OMG: variants seen among roughly 807,000 people sequenced by gnomAD.
OMG encodes the protein oligodendrocyte-myelin glycoprotein.
OMG carries 9 observed loss-of-function variants against 26.2 expected under a neutral mutation model. The observed-to-expected ratio is 0.34, with a 90% CI of 0.21 to 0.60. The LOEUF (loss-of-function observed/expected upper bound fraction) is 0.60. Ranked by LOEUF, OMG falls within the 20% of genes least tolerant of loss-of-function variation. OMG has a pLI of 0.80. For missense variants in OMG, 402 were observed against 513.6 expected, an observed-to-expected ratio of 0.78 and a Z score of 2.10; for synonymous variants, 179 against 190.4, an observed-to-expected ratio of 0.94 and a Z score of 0.49.
chr17:31,295,642 G>T lies in OMG; in HGVS notation c.690C>A (p.Asp230Glu). ...ITLYNNRWSC[D>E]HKQNITYLLK... The stretch of plus-strand genomic sequence containing the variant: ...GTAAGTAAGTAATGTTTTGTTTGTG[G>T]TCACATGACCACCTGTTATTGTAAA... Residue 230 changes from aspartate (D) to glutamate (E), a missense_variant, in exon 2 of 2, where the codon GAC becomes GAA. Around this residue, in one of 3 missense-constraint regions of OMG, gnomAD observed 247 missense variants for 274.7 expected, o/e 0.90. Transcript: ENST00000247271. The T allele has an allele frequency of 6.2e-7, 1 of 1,614,090 alleles. No homozygotes were observed. Among genetic ancestry groups the T allele is most frequent in the Non-Finnish European group, 8.5e-7 (1 of 1,179,998 alleles).
chr17:31,296,749 C>CTT, intron 1 of OMG: 1 of 202,084 alleles, frequency 4.9e-6, no homozygotes, highest in Non-Finnish European at 1.0e-5. Flanking sequence ...GCTGTCGTGT[C>CTT]TTTTTTTTTT....
In OMG at chr17:31,295,026, C is replaced by T; in HGVS notation, c.1306G>A (p.Val436Ile). 1.9e-6 allele frequency: 3 copies of T among 1,614,094 alleles called. No homozygotes were observed. The highest frequency in any genetic ancestry group is 1.7e-6 in the Non-Finnish European group (2 of 1,179,958). Residue 436 changes from valine (V) to isoleucine (I), a missense_variant, in exon 2 of 2, where the codon GTC becomes ATC. By Grantham distance (29) the Val-to-Ile change is conservative. Around this residue, in one of 3 missense-constraint regions of OMG, gnomAD observed 247 missense variants for 274.7 expected, o/e 0.90. Coordinates refer to ENST00000247271, the MANE Select transcript of OMG (RefSeq NM_002544.5). ...ASFLLLLNVV[V>I]MLAV ...GCAGACCCTCAGACAGCCAGCATGA[C>T]CACAACATTGAGCAATAAGAGAAAT...
At position 31,295,268 on chromosome 17, in the gene OMG, ATAGT is replaced by A. The variant is rs761680044; in HGVS notation, c.1060_1063del (p.Thr354PhefsTer24). ...TGTGACCATTCCATCTTGGAGATGA[ATAGT>A]TAGAGTTGCAGCTGCTGCTTCATGT... On this transcript the variant is annotated frameshift_variant, in exon 2 of 2. Coordinates refer to ENST00000247271, the MANE Select transcript of OMG (RefSeq NM_002544.5). LOFTEE classifies it high-confidence loss of function. 1 of 1,614,084 alleles carries A rather than the reference ATAGT, an allele frequency of 6.2e-7. No homozygotes were observed. The highest frequency in any genetic ancestry group is 8.5e-7 in the Non-Finnish European group (1 of 1,179,994).
At position 31,294,807 on chromosome 17, in the gene OMG, A is replaced by G; in HGVS notation, c.*202T>C. The G allele has an allele frequency of 1.6e-6, 1 of 639,986 alleles. No homozygotes were observed. Among genetic ancestry groups the G allele is most frequent in the East Asian group, 2.8e-5 (1 of 35,730 alleles). The allele number at this position is 639,986 out of a possible 1,614,324, so 39.6% of individuals were successfully genotyped here. Reference sequence around the variant, plus strand: ...ACTCATTAGTTTACTTAATTAAGACAGTAAAATAGCAGCAAGTACCAAGAC... The same window carrying G: ...ACTCATTAGTTTACTTAATTAAGACGGTAAAATAGCAGCAAGTACCAAGAC... On this transcript the variant is annotated 3_prime_UTR_variant, in exon 2 of 2. Transcript: ENST00000247271.
Position 31,296,171 on chromosome 17 carries a change from T to C in OMG, c.161A>G (p.Gln54Arg). 6.2e-7 allele frequency: 1 copy of C among 1,612,852 alleles called. No individual in the cohort carries two copies. Among genetic ancestry groups the C allele is most frequent in the Non-Finnish European group, 8.5e-7 (1 of 1,179,146 alleles). ...CAGGTTTAAATGTATAATATTCTCT[T>C]GCAGTCCAGATGGTAATGTAGACAA... ...RNLSTLPSGL[Q>R]ENIIHLNLSY... Residue 54 changes from glutamine (Q) to arginine (R), a missense_variant, in exon 2 of 2, where the codon CAA becomes CGA. Gln to Arg is a conservative substitution (Grantham distance 43). This residue lies in a region of OMG where 65 missense variants were observed against 80.0 expected (regional missense o/e 0.81). Coordinates refer to ENST00000247271, the MANE Select transcript of OMG (RefSeq NM_002544.5).
At position 31,294,764 on chromosome 17, in the gene OMG, A is replaced by T. The variant is rs2068424981; in HGVS notation, c.*245T>A. On this transcript the variant is annotated 3_prime_UTR_variant, in exon 2 of 2. Transcript: ENST00000247271. ...ATAAATTGAAGCCTTAAAACATTTC[A>T]TTTTTTTTATAAAAGAAACTCATTA... The T allele has an allele frequency of 3.7e-6, 2 of 546,474 alleles. No individual in the cohort carries two copies. The highest frequency in any genetic ancestry group is 2.1e-5 in the South Asian group (1 of 47,004). The allele number at this position is 546,474 out of a possible 1,614,324, so 33.9% of individuals were successfully genotyped here. A position where few individuals can be genotyped will look rare whatever the true frequency, so the allele number is the denominator to read the frequency against.
chr17:31,296,637 G>A, intron 1 of OMG: 1 of 344,224 alleles, frequency 2.9e-6, no homozygotes, highest in Non-Finnish European at 5.5e-6. Flanking sequence ...TCTTTCTAGA[G>A]CCTTAATATG....
chr17:31,296,148 G>T lies in OMG; in HGVS notation c.184C>A (p.Leu62Met), dbSNP rs1179339758. The T allele has an allele frequency of 6.2e-7, 1 of 1,611,340 alleles. No individual in the cohort carries two copies. Among genetic ancestry groups the T allele is most frequent in the African/African-American group, 1.3e-5 (1 of 74,784 alleles). The change falls in exon 2 of 2, where the codon CTG (leucine) becomes ATG (methionine). Residue 62 changes from leucine to methionine, a missense_variant. Physicochemically the swap from Leu to Met is conservative, Grantham distance 15. This residue lies in a region of OMG where 65 missense variants were observed against 80.0 expected (regional missense o/e 0.81). Coordinates refer to ENST00000247271, the MANE Select transcript of OMG (RefSeq NM_002544.5). The stretch of plus-strand genomic sequence containing the variant: ...AGATCAGTAAAGTGGTTATAAGACA[G>T]GTTTAAATGTATAATATTCTCTTGC... ...GLQENIIHLN[L>M]SYNHFTDLHN...
chr17:31,295,415 T>C lies in OMG; in HGVS notation c.917A>G (p.Gln306Arg). 6.2e-7 allele frequency: 1 copy of C among 1,614,142 alleles called. No homozygotes were observed. The highest frequency in any genetic ancestry group is 8.5e-7 in the Non-Finnish European group (1 of 1,180,012). Residue 306 changes from glutamine to arginine, a missense_variant, in exon 2 of 2, where the codon CAA becomes CGA. By Grantham distance (43) the Gln-to-Arg change is conservative. Around this residue, in one of 3 missense-constraint regions of OMG, gnomAD observed 247 missense variants for 274.7 expected, o/e 0.90. Transcript: ENST00000247271. The stretch of plus-strand genomic sequence containing the variant: ...AAACGTTGTTTCCTTTGTTCGATAT[T>C]GTTTGGGTATTTTGGTCACTTTGGG... ...TQPKVTKIPK[Q>R]YRTKETTFGA...
Position 31,294,916 on chromosome 17 carries a change from A to C in OMG, c.*93T>G, listed in dbSNP as rs75858537. The C allele has an allele frequency of 4.2e-4, 650 of 1,539,506 alleles. 5 individuals are homozygous for C. In the African/African-American group the frequency reaches 7.8e-3, roughly 18 times the overall value. On this transcript the variant is annotated 3_prime_UTR_variant, in exon 2 of 2. Transcript: ENST00000247271. ...TAAGACTGGCTTTCTTGAATACTTA[A>C]ATATAGCTCGAATCACTGGTTAGAT...
chr17:31,296,162 A>G lies in OMG; in HGVS notation c.170T>C (p.Ile57Thr), dbSNP rs2068460143. Reference protein sequence around the residue: ...STLPSGLQENIIHLNLSYNHF... With the variant: ...STLPSGLQENTIHLNLSYNHF... ...GTTATAAGACAGGTTTAAATGTATA[A>G]TATTCTCTTGCAGTCCAGATGGTAA... The change falls in exon 2 of 2, where the codon ATT becomes ACT. Residue 57 changes from isoleucine to threonine, a missense_variant. Ile to Thr is a moderately conservative substitution (Grantham distance 89, BLOSUM62 -1). Coordinates refer to ENST00000247271, the MANE Select transcript of OMG (RefSeq NM_002544.5). 1 of 1,612,286 alleles carries G rather than the reference A, an allele frequency of 6.2e-7. No homozygotes were observed. Among genetic ancestry groups the G allele is most frequent in the African/African-American group, 1.3e-5 (1 of 74,848 alleles).
Position 31,296,158 on chromosome 17 carries a change from TA to T in OMG, c.173del (p.Ile58AsnfsTer3), listed in dbSNP as rs1260198519. 1 of 1,612,088 alleles carries T rather than the reference TA, an allele frequency of 6.2e-7. No individual in the cohort carries two copies. On this transcript the variant is annotated frameshift_variant, in exon 2 of 2. Transcript: ENST00000247271. LOFTEE classifies it high-confidence loss of function. ...TLPSGLQENI[I>X]HLNLSYNHFT... Reference sequence around the variant, plus strand: ...AGTGGTTATAAGACAGGTTTAAATGTATAATATTCTCTTGCAGTCCAGATGG... The same window carrying T: ...AGTGGTTATAAGACAGGTTTAAATGTTAATATTCTCTTGCAGTCCAGATGG...
rs143996004 is a variant in OMG at position 31,295,110 on chromosome 17, T to C, written c.1222A>G (p.Thr408Ala). ...TTLNLWREET[T>A]TNVKTPLPSV... Reference sequence around the variant, plus strand: ...GGTAATGGAGTCTTTACATTTGTGGTTGTCTCTTCCCTCCATAAGTTAAGG... The same window carrying C: ...GGTAATGGAGTCTTTACATTTGTGGCTGTCTCTTCCCTCCATAAGTTAAGG... The change falls in exon 2 of 2, where the codon ACC becomes GCC. Residue 408 changes from threonine (T) to alanine (A), a missense_variant. Physicochemically the swap from Thr to Ala is moderately conservative, Grantham distance 58 (BLOSUM62 0). Around this residue, in one of 3 missense-constraint regions of OMG, gnomAD observed 247 missense variants for 274.7 expected, o/e 0.90. Coordinates refer to ENST00000247271, the MANE Select transcript of OMG (RefSeq NM_002544.5). 4.5e-4 allele frequency: 731 copies of C among 1,614,174 alleles called. No homozygotes were observed. Among genetic ancestry groups the C allele is most frequent in the Non-Finnish European group, 5.7e-4 (670 of 1,180,002 alleles).
chr17:31,296,607 A>AC, intron 1 of OMG: 2 of 423,254 alleles, frequency 4.7e-6, no homozygotes, highest in Non-Finnish European at 8.8e-6. Flanking sequence ...CCCTTTTCTA[A>AC]CCATATTCTT....
intron 1 of OMG, chr17:31,296,848 T>C (rs990497048): frequency 1.2e-5 from 2 of 160,086 alleles, no homozygotes; most frequent in African/African-American, 4.8e-5. Flanking sequence ...TATCTGTATG[T>C]TTTTAGGATA....
rs745898291 is a variant in OMG, at chr17:31,295,088, A to G, written c.1244T>C (p.Leu415Ser). 2.5e-6 allele frequency: 4 copies of G among 1,614,172 alleles called. No homozygotes were observed. Among genetic ancestry groups the G allele is most frequent in the Non-Finnish European group, 3.4e-6 (4 of 1,179,996 alleles). The change falls in exon 2 of 2, where the codon TTA becomes TCA. Residue 415 changes from leucine to serine, a missense_variant. Around this residue, in one of 3 missense-constraint regions of OMG, gnomAD observed 247 missense variants for 274.7 expected, o/e 0.90. Coordinates refer to ENST00000247271, the MANE Select transcript of OMG (RefSeq NM_002544.5). ...TTTCCAAGCATTTGCCACAGAAGGT[A>G]ATGGAGTCTTTACATTTGTGGTTGT... ...EETTTNVKTP[L>S]PSVANAWKVN...
At chr17:31,296,682 G>T in intron 1 of OMG, 1 of 275,892 alleles carries the variant, frequency 3.6e-6, no homozygotes, top group Non-Finnish European at 7.0e-6. Flanking sequence ...AATAGTTGCA[G>T]TTGTAGGCTA....
In OMG at chr17:31,294,925, C is replaced by T. The variant is rs897267775; in HGVS notation, c.*84G>A. On this transcript the variant is annotated 3_prime_UTR_variant, in exon 2 of 2. Transcript: ENST00000247271. ...CTTTCTTGAATACTTAAATATAGCT[C>T]GAATCACTGGTTAGATATGGACATA... 11 of 1,562,588 alleles carry T rather than the reference C, an allele frequency of 7.0e-6. No individual in the cohort carries two copies. Among genetic ancestry groups the T allele is most frequent in the African/African-American group, 6.8e-5 (5 of 73,830 alleles).
In OMG at chr17:31,294,889, G is replaced by A; in HGVS notation, c.*120C>T. On this transcript the variant is annotated 3_prime_UTR_variant, in exon 2 of 2. Transcript: ENST00000247271. Reference sequence around the variant, plus strand: ...CTTCATTTACATCAGAGTTAGAAATGTTAAGACTGGCTTTCTTGAATACTT... The same window carrying A: ...CTTCATTTACATCAGAGTTAGAAATATTAAGACTGGCTTTCTTGAATACTT... The A allele has an allele frequency of 7.5e-7, 1 of 1,342,198 alleles. No individual in the cohort carries two copies. The highest frequency in any genetic ancestry group is 1.1e-6 in the Non-Finnish European group (1 of 943,590). 83.1% of individuals were successfully genotyped at this position (1,342,198 alleles called of 1,614,324 possible).
Sources: gnomAD v4.1 joint callset for allele counts on GRCh38, gnomAD v4.1.1 for gene constraint, gnomAD v4.1.1 regional missense constraint, MANE v1.5 for transcripts, NCBI Gene and HGNC (gene_info 2026-07-23, HGNC 2026-07-21) for gene names.